The following FAM167A variants were observed in gnomAD, a reference collection of about 807,000 sequenced individuals.
FAM167A encodes the protein family with sequence similarity 167 member A.
FAM167A carries 23 observed loss-of-function variants against 14.9 expected under a neutral mutation model. That is an observed-to-expected ratio of 1.55 (90% confidence interval 1.11 to 2.19). FAM167A has a LOEUF of 2.19. Ranked by LOEUF, FAM167A falls within the 30% of genes most tolerant of loss-of-function variation. The probability of loss-of-function intolerance (pLI) is 0.00; values close to 1 mark genes in which losing one functional copy is unlikely to be tolerated. For synonymous variants in FAM167A, 174 were observed against 117.7 expected (o/e 1.48, Z -3.10); for missense variants, 401 against 281.5 (o/e 1.42, Z -3.04).
intron 2 of FAM167A, among the ~76,000 whole-genome samples, chr8:11,427,810 C>G (rs761623477): frequency 2.0e-5 from 3 of 152,180 alleles, no homozygotes; most frequent in Non-Finnish European, 2.9e-5. Context: ...CATTAGTTTA[C>G]TTTTCAATCC....
chr8:11,424,680 G>A (rs1041736999), intron 2 of FAM167A, 44 bp from the exon 3 acceptor site: 30 of 1,601,796 alleles, frequency 1.9e-5, no homozygotes, highest in Non-Finnish European at 2.4e-5. Context: ...AGAGTGGCTC[G>A]AGTCCCTGAC....
chr8:11,457,076 GTGGGCGGGGCTGGGTTGGGGAAA>G (rs1278301492), intron 1 of FAM167A, among the ~76,000 whole-genome samples: 10,391 of 101,434 alleles, frequency 0.1, 1,994 homozygotes, highest in Middle Eastern at 0.24. Flanking sequence ...GGTTGGGGAA[GTGGGCGGGGCTGGGTTGGGGAAA>G]TGGGCGGGGC....
intron 2 of FAM167A, chr8:11,434,693 G>A (rs554773093): frequency 6.8e-5 from 15 of 220,444 alleles, no homozygotes; most frequent in Admixed American, 1.1e-4. Context: ...GATGCATTCC[G>A]AAGAGCCCCT....
chr8:11,424,451 G>A lies in FAM167A; in HGVS notation c.567C>T (p.Ser189=), dbSNP rs1804987235. 18 of 1,614,068 alleles carry A rather than the reference G, an allele frequency of 1.1e-5. No individual in the cohort carries two copies. The highest frequency in any genetic ancestry group is 1.5e-5 in the Non-Finnish European group (18 of 1,180,018). ...DLFCDSPLAS[S]FSLSTPLKLI... is the part of the protein sequence containing the mutation. The stretch of plus-strand genomic sequence containing the variant: ...GCTTGAGTGGTGTGGAGAGGCTGAA[G>A]GAGGAGGCAAGAGGGGAGTCACAGA... The change falls in exon 3 of 3, where the codon TCC becomes TCT. Residue 189 remains serine, a synonymous_variant. Transcript: ENST00000284486.
chr8:11,445,687 C>T (rs1440439465), intron 1 of FAM167A: 7 of 904,786 alleles, frequency 7.7e-6, no homozygotes, highest in Non-Finnish European at 9.3e-6. Flanking sequence ...ATCTAACTCC[C>T]AGTAAGAAGA....
intron 2 of FAM167A, among the ~76,000 whole-genome samples, chr8:11,440,904 G>C (rs1439654783): frequency 6.6e-6 from 1 of 152,182 alleles, no homozygotes; most frequent in Non-Finnish European, 1.5e-5. Flanking sequence ...GGATGAATGA[G>C]GGAAACCATG....
chr8:11,439,288 T>A (rs1041924036), intron 2 of FAM167A, among the ~76,000 whole-genome samples: 1 of 152,278 alleles, frequency 6.6e-6, no homozygotes, highest in Non-Finnish European at 1.5e-5. Context: ...GGTATCAACC[T>A]GGCTGTATCG....
At chr8:11,428,508 G>A (rs569088430) in intron 2 of FAM167A, among the ~76,000 whole-genome samples, 29 of 152,210 alleles carry the variant, frequency 1.9e-4, no homozygotes, top group Non-Finnish European at 3.1e-4. Context: ...TGGTGATTCC[G>A]GCCGGTCTCC....
At chr8:11,426,697 TAGATA>T (rs1805191319) in intron 2 of FAM167A, among the ~76,000 whole-genome samples, 1 of 152,164 alleles carries the variant, frequency 6.6e-6, no homozygotes, top group Non-Finnish European at 1.5e-5. Context: ...AAGGTGTAGG[TAGATA>T]AGAGACAAAC....
chr8:11,459,508 G>A (rs939442115), intron 1 of FAM167A, among the ~76,000 whole-genome samples: 6 of 152,214 alleles, frequency 3.9e-5, no homozygotes, highest in South Asian at 4.1e-4. Context: ...GAGACCGAGC[G>A]CCTCGGTCTG....
chr8:11,427,469 G>C (rs190854803), intron 2 of FAM167A, among the ~76,000 whole-genome samples: 2 of 152,172 alleles, frequency 1.3e-5, no homozygotes, highest in Non-Finnish European at 2.9e-5. Context: ...GTATTTCTGC[G>C]ACATGCTCGG....
At chr8:11,463,836 C>T (rs1417396589) in intron 1 of FAM167A, among the ~76,000 whole-genome samples, 2 of 152,224 alleles carry the variant, frequency 1.3e-5, no homozygotes, top group Non-Finnish European at 2.9e-5. Context: ...CACTTATGGG[C>T]ACCCGAGGGA....
chr8:11,435,508 G>C (rs1805944171), intron 2 of FAM167A, among the ~76,000 whole-genome samples: 2 of 152,204 alleles, frequency 1.3e-5, no homozygotes, highest in African/African-American at 4.8e-5. Context: ...CCAGAGCCAA[G>C]TCTTGATTTT....
At chr8:11,468,026 C>T (rs1807839458), upstream of FAM167A, among the ~76,000 whole-genome samples, 1 of 152,204 alleles carries the variant, frequency 6.6e-6, no homozygotes, top group Non-Finnish European at 1.5e-5. Flanking sequence ...ACTGTCCCTA[C>T]CCAAGCCACC....
At chr8:11,438,698 A>G in intron 2 of FAM167A, 1 of 370,622 alleles carries the variant, frequency 2.7e-6, no homozygotes. Context: ...TTCTTTGGTA[A>G]CCCCCACGAG....
At chr8:11,475,503 C>T (rs1308212195) in intron 1 of FAM167A, among the ~76,000 whole-genome samples, 2 of 151,848 alleles carry the variant, frequency 1.3e-5, no homozygotes. Context: ...TCAGATGAGG[C>T]CCAAAAGAAA....
chr8:11,467,781 A>C (rs1051138454), upstream of FAM167A, among the ~76,000 whole-genome samples: 1 of 152,206 alleles, frequency 6.6e-6, no homozygotes, highest in African/African-American at 2.4e-5. Context: ...CCTTCACTGC[A>C]ACTCCGCATC....
intron 2 of FAM167A, 145 bp downstream of exon 2, chr8:11,443,886 A>C: frequency 9.5e-7 from 1 of 1,058,096 alleles, no homozygotes. Flanking sequence ...ACTCACGGGA[A>C]GATTACAGAT....
upstream of FAM167A, among the ~76,000 whole-genome samples, chr8:11,467,777 C>T (rs192483678): frequency 1.3e-5 from 2 of 152,372 alleles, no homozygotes; most frequent in East Asian, 3.9e-4. Context: ...GCGTCCTTCA[C>T]TGCAACTCCG....
Sources: allele counts gnomAD v4.1 joint callset (sites outside exome capture counted in the v4.1 genomes callset), GRCh38; gene constraint gnomAD v4.1.1; transcripts MANE v1.5; gene names NCBI Gene and HGNC (gene_info 2026-07-23, HGNC 2026-07-21).